CERS3: variants seen among roughly 807,000 people sequenced by gnomAD.
CERS3 encodes ceramide synthase 3, also known as LAG1 homolog, ceramide synthase 3.
In CERS3, 33 loss-of-function variants were observed where a neutral mutation model predicts 50.3. The observed-to-expected ratio is 0.66, with a 90% CI of 0.50 to 0.88. CERS3 has a LOEUF of 0.88. Ranked by LOEUF, CERS3 falls within the 40% of genes least tolerant of loss-of-function variation. CERS3 has a pLI of 0.00. For synonymous variants in CERS3, 176 were observed against 155.2 expected (o/e 1.13, Z -0.99); for missense variants, 470 against 460.3 (o/e 1.02, Z -0.19).
chr15:100,497,852 TACACACACACAC>T (rs57343426), intron 3 of CERS3, among the ~76,000 whole-genome samples: 1,965 of 108,794 alleles, frequency 0.018, 61 homozygotes, highest in African/African-American at 0.057. Flanking sequence ...ACCTATCTCT[TACACACACACAC>T]ACACACACAC....
chr15:100,501,917 C>T, intron 2 of CERS3, 67 bp from the exon 3 acceptor site: 2 of 1,533,054 alleles, frequency 1.3e-6, no homozygotes, highest in Admixed American at 1.8e-5. Flanking sequence ...ACATTGATCA[C>T]CTTGGCTCAA....
chr15:100,450,261 T>C (rs866821975), intron 11 of CERS3, among the ~76,000 whole-genome samples: 4 of 151,262 alleles, frequency 2.6e-5, no homozygotes, highest in African/African-American at 9.7e-5. Context: ...TTTACTAAAA[T>C]ACAAAAAATT....
intron 11 of CERS3, among the ~76,000 whole-genome samples, chr15:100,414,745 G>T (rs761842712): frequency 1.5e-4 from 23 of 151,280 alleles, no homozygotes; most frequent in Admixed American, 9.2e-4. Context: ...ACTGAAACTG[G>T]ACCCCTTCTT....
chr15:100,532,876 C>G (rs1302871378), upstream of CERS3, among the ~76,000 whole-genome samples: 2 of 152,196 alleles, frequency 1.3e-5, no homozygotes, highest in African/African-American at 4.8e-5. Flanking sequence ...TAGCCATCTT[C>G]ATATCCCTGG....
intron 4 of CERS3, among the ~76,000 whole-genome samples, chr15:100,490,310 C>G (rs2035613001): frequency 6.6e-6 from 1 of 152,070 alleles, no homozygotes. Context: ...GAAATTGTCT[C>G]TGGAGAATAG....
intron 1 of CERS3, among the ~76,000 whole-genome samples, chr15:100,525,512 G>C (rs2036760263): frequency 6.6e-6 from 1 of 152,142 alleles, no homozygotes; most frequent in Non-Finnish European, 1.5e-5. Context: ...TCTCAGCCTT[G>C]AAATTATGAT....
chr15:100,447,293 T>A (rs2033981454), intron 11 of CERS3, among the ~76,000 whole-genome samples: 1 of 152,238 alleles, frequency 6.6e-6, no homozygotes, highest in South Asian at 2.1e-4. Context: ...TAATGAGTTA[T>A]CTAATAACTC....
At chr15:100,445,297 C>T (rs971612846) in intron 11 of CERS3, among the ~76,000 whole-genome samples, 5 of 137,830 alleles carry the variant, frequency 3.6e-5, no homozygotes, top group African/African-American at 1.1e-4. Context: ...TCATACGTGC[C>T]CTGCTCTTGT....
At chr15:100,491,112 A>T (rs2035637973) in intron 3 of CERS3, among the ~76,000 whole-genome samples, 181 bp from the exon 4 acceptor site, 1 of 151,812 alleles carries the variant, frequency 6.6e-6, no homozygotes, top group African/African-American at 2.4e-5. Context: ...CCATACAAAA[A>T]AGCAATGATT....
chr15:100,533,494 TTTCTC>T (rs2036991948), upstream of CERS3, among the ~76,000 whole-genome samples: 1 of 151,802 alleles, frequency 6.6e-6, no homozygotes, highest in African/African-American at 2.4e-5. Flanking sequence ...TTTCTTTTCT[TTTCTC>T]CTTTCTTTTC....
rs77089459 is a variant in CERS3, at chr15:100,501,838, C to A, written c.12G>T (p.Thr4=). 2 of 1,613,774 alleles carry A rather than the reference C, an allele frequency of 1.2e-6. No individual in the cohort carries two copies. The highest frequency in any genetic ancestry group is 1.3e-5 in the African/African-American group (1 of 75,002). ...TTTCCAACCAGAACCATTCTTTAAA[C>A]GTCCAAAACATTCTAGAGAAATGGA... MFW[T]FKEWFWLERF... is the part of the protein sequence containing the mutation. Residue 4 remains threonine (T), a synonymous_variant, in exon 3 of 12, where the codon ACG becomes ACT. Coordinates refer to ENST00000679737, the MANE Select transcript of CERS3 (RefSeq NM_001378789.1).
intron 3 of CERS3, among the ~76,000 whole-genome samples, chr15:100,499,718 A>T (rs2035940033): frequency 6.6e-6 from 1 of 152,224 alleles, no homozygotes; most frequent in Non-Finnish European, 1.5e-5. Flanking sequence ...TGAATTTTTA[A>T]AATAGTTCAG....
intron 11 of CERS3, among the ~76,000 whole-genome samples, chr15:100,413,786 A>AC (rs397789430): frequency 4.6e-5 from 7 of 150,542 alleles, no homozygotes; most frequent in South Asian, 2.1e-4. Context: ...AAAAAAAAAA[A>AC]CCCTTACAGA....
rs2035118803 is a variant in CERS3, at chr15:100,476,106, C to T, written c.589G>A (p.Gly197Ser). 6.4e-7 allele frequency: 1 copy of T among 1,566,188 alleles called. No homozygotes were observed. The highest frequency in any genetic ancestry group is 8.6e-7 in the Non-Finnish European group (1 of 1,161,930). ...CTTACCTTTCTCTTGACATCAAAGCCAAGTCTAAATAACAGAGACCAATAA... is the reference window on the plus strand; with the variant it reads ...CTTACCTTTCTCTTGACATCAAAGCTAAGTCTAAATAACAGAGACCAATAA... ...SFYWSLLFRLGFDVKRKDFLA... is the reference protein window; with the variant it reads ...SFYWSLLFRLSFDVKRKDFLA... Residue 197 changes from glycine to serine, a missense_variant, in exon 8 of 12, where the codon GGC becomes AGC. Physicochemically the swap from Gly to Ser is moderately conservative, Grantham distance 56. Transcript: ENST00000679737.
At chr15:100,505,821 A>G (rs544919571) in intron 2 of CERS3, among the ~76,000 whole-genome samples, 38 of 152,364 alleles carry the variant, frequency 2.5e-4, no homozygotes, top group Admixed American at 1.0e-3. Context: ...CAGCTTGGAC[A>G]ACATAGTGAG....
chr15:100,518,437 A>C (rs1458696802), intron 2 of CERS3, among the ~76,000 whole-genome samples: 1 of 152,216 alleles, frequency 6.6e-6, no homozygotes. Flanking sequence ...TTGATTAATG[A>C]TTAAATCTAT....
At chr15:100,440,598 A>C (rs2033634857) in intron 11 of CERS3, among the ~76,000 whole-genome samples, 4 of 152,138 alleles carry the variant, frequency 2.6e-5, no homozygotes, top group Admixed American at 2.0e-4. Flanking sequence ...CTTCACACGG[A>C]CGTGCGTGAA....
At chr15:100,521,126 G>A (rs1466322990) in intron 2 of CERS3, among the ~76,000 whole-genome samples, 3 of 152,116 alleles carry the variant, frequency 2.0e-5, no homozygotes, top group Non-Finnish European at 4.4e-5. Context: ...AGGCATTAAC[G>A]GTAAAAGTGC....
At chr15:100,437,736 T>A (rs1315446470) in intron 11 of CERS3, 2 of 152,210 alleles carry the variant, frequency 1.3e-5, no homozygotes, top group African/African-American at 4.8e-5. Context: ...AAGGGCTTTA[T>A]CCTTCAATGC....
Sources: gnomAD v4.1 joint callset for allele counts (sites outside exome capture counted in the v4.1 genomes callset) on GRCh38, gnomAD v4.1.1 for gene constraint, MANE v1.5 for transcripts, NCBI Gene and HGNC (gene_info 2026-07-23, HGNC 2026-07-21) for gene names.